The following TUBGCP3 variants were observed in gnomAD, a reference collection of about 807,000 sequenced individuals.
The protein encoded by TUBGCP3 is gamma-tubulin complex component 3.
In TUBGCP3, 50 loss-of-function variants were observed where a neutral mutation model predicts 123.1. The observed-to-expected ratio is 0.41, with a 90% confidence interval of 0.32 to 0.51. The LOEUF (loss-of-function observed/expected upper bound fraction) is 0.51. Ranked by LOEUF, TUBGCP3 falls within the 20% of genes least tolerant of loss-of-function variation. The probability of loss-of-function intolerance (pLI) is 0.36; values close to 1 mark genes in which losing one functional copy is unlikely to be tolerated. For missense variants in TUBGCP3, 882 were observed against 1,127.0 expected (o/e 0.78, Z 3.11); for synonymous variants, 405 against 413.9 (o/e 0.98, Z 0.26).
chr13:112,541,931 C>T (rs1181212983), intron 11 of TUBGCP3, among the ~76,000 whole-genome samples: 4 of 152,132 alleles, frequency 2.6e-5, no homozygotes. Context: ...TAAACTTTCT[C>T]CTTTTTATAA....
At chr13:112,503,928 T>C (rs1308990493) in intron 19 of TUBGCP3, 104 bp downstream of exon 19, 1 of 1,345,734 alleles carries the variant, frequency 7.4e-7, no homozygotes, top group African/African-American at 1.5e-5. Flanking sequence ...TTATTACCAA[T>C]GTGGCTGCAT....
At chr13:112,583,033 C>G (rs1327935637) in intron 1 of TUBGCP3, among the ~76,000 whole-genome samples, 1 of 152,178 alleles carries the variant, frequency 6.6e-6, no homozygotes, top group African/African-American at 2.4e-5. Context: ...TTCAAAATAT[C>G]AAGCTGTAGA....
At chr13:112,588,603 G>C (rs75873854), upstream of TUBGCP3, among the ~76,000 whole-genome samples, 1,309 of 152,230 alleles carry the variant, frequency 8.6e-3, 17 homozygotes, top group African/African-American at 0.03. Context: ...CGCGCGGGCC[G>C]GTCCCCCCCG....
intron 4 of TUBGCP3, 50 bp from the exon 5 acceptor site, chr13:112,558,463 C>T: frequency 7.0e-7 from 1 of 1,429,196 alleles, no homozygotes. Context: ...ACAGAACAGT[C>T]TTCCCAAACC....
chr13:112,513,574 G>A (rs1042761336), intron 17 of TUBGCP3, among the ~76,000 whole-genome samples: 7 of 152,210 alleles, frequency 4.6e-5, no homozygotes, highest in Non-Finnish European at 1.0e-4. Flanking sequence ...ACAAGGCCCC[G>A]TGGCAGCTGT....
intron 20 of TUBGCP3, among the ~76,000 whole-genome samples, chr13:112,493,406 G>A (rs2139194476): frequency 6.8e-6 from 1 of 146,970 alleles, no homozygotes; most frequent in Admixed American, 6.8e-5. Flanking sequence ...AACGTGGCCT[G>A]GTGTCCCTGA....
At chr13:112,518,901 A>G in intron 16 of TUBGCP3, 74 bp downstream of exon 16, 11 of 1,363,326 alleles carry the variant, frequency 8.1e-6, no homozygotes, top group Non-Finnish European at 1.2e-5. Context: ...CCAGAGAAGA[A>G]AGCCAATTTC....
At chr13:112,494,199 G>A (rs1306487483) in intron 20 of TUBGCP3, among the ~76,000 whole-genome samples, 2 of 152,176 alleles carry the variant, frequency 1.3e-5, no homozygotes, top group Non-Finnish European at 2.9e-5. Flanking sequence ...ATGGGAACGA[G>A]GCCTGGTGTG....
chr13:112,490,027 C>T (rs905332014), intron 20 of TUBGCP3, among the ~76,000 whole-genome samples: 1 of 152,056 alleles, frequency 6.6e-6, no homozygotes, highest in Non-Finnish European at 1.5e-5. Context: ...GTGCTGTACA[C>T]GTTTTTATAT....
Position 112,486,119 on chromosome 13 carries a change from C to T in TUBGCP3, c.2598G>A (p.Thr866=), listed in dbSNP as rs771576460. 8.7e-6 allele frequency: 14 copies of T among 1,610,056 alleles called. No homozygotes were observed. Among genetic ancestry groups the T allele is most frequent in the South Asian group, 3.3e-5 (3 of 90,610 alleles). ...GIVQQFLVLL[T]TSSDESLRFL... ...ACCGAAGACTCTCGTCAGAGCTGGT[C>T]GTCAGTAACACCAAAAACTGCTGCA... The change falls in exon 22 of 22, where the codon ACG becomes ACA. Residue 866 remains threonine (T), a synonymous_variant. Coordinates refer to ENST00000261965, the MANE Select transcript of TUBGCP3 (RefSeq NM_006322.6).
chr13:112,580,464 C>CA (rs200190346), intron 1 of TUBGCP3, among the ~76,000 whole-genome samples: 470 of 144,758 alleles, frequency 3.2e-3, no homozygotes, highest in African/African-American at 0.011. Flanking sequence ...AGATCCTTCT[C>CA]AAAAAAAAAA....
At chr13:112,591,377 C>T (rs189673308), upstream of TUBGCP3, among the ~76,000 whole-genome samples, 27 of 152,350 alleles carry the variant, frequency 1.8e-4, no homozygotes, top group East Asian at 5.0e-3. Flanking sequence ...TGTATCTAGA[C>T]AAACCCTTAA....
intron 8 of TUBGCP3, among the ~76,000 whole-genome samples, chr13:112,548,421 T>C (rs569772209): frequency 1.3e-4 from 20 of 152,174 alleles, no homozygotes; most frequent in Non-Finnish European, 2.9e-4. Context: ...AAAAAATATA[T>C]ATGGTATAGT....
rs559589787 is a variant in TUBGCP3, at chr13:112,560,465, T to C, written c.253-1066A>G. Among the ~76,000 whole-genome samples, 228 of 151,704 alleles carry C rather than the reference T, an allele frequency of 1.5e-3. 1 individual carries two copies. The highest frequency in any genetic ancestry group is 4.8e-3 in the African/African-American group (200 of 41,392). On this transcript the variant is annotated intron_variant, in intron 3 of 21. Coordinates refer to ENST00000261965, the MANE Select transcript of TUBGCP3 (RefSeq NM_006322.6). Reference sequence around the variant, plus strand: ...AAAAAGTGGGTCTGAAGCACTTAGCTGTCAAGATAACCAACCCACAGGTTT... The same window carrying C: ...AAAAAGTGGGTCTGAAGCACTTAGCCGTCAAGATAACCAACCCACAGGTTT...
chr13:112,514,805 G>T (rs1432530621), intron 17 of TUBGCP3, among the ~76,000 whole-genome samples: 1 of 152,106 alleles, frequency 6.6e-6, no homozygotes, highest in African/African-American at 2.4e-5. Flanking sequence ...CTATTCTCAA[G>T]AAATATTCAG....
At chr13:112,498,639 C>T (rs958799458) in intron 20 of TUBGCP3, among the ~76,000 whole-genome samples, 5 of 152,182 alleles carry the variant, frequency 3.3e-5, no homozygotes, top group Non-Finnish European at 7.3e-5. Flanking sequence ...TAAGACTGCT[C>T]TAAGTTGAGG....
intron 1 of TUBGCP3, among the ~76,000 whole-genome samples, chr13:112,576,918 A>C (rs961442997): frequency 1.1e-4 from 17 of 151,864 alleles, no homozygotes; most frequent in East Asian, 7.7e-4. Context: ...AACAAAAAAA[A>C]AAAAACCCCA....
intron 17 of TUBGCP3, among the ~76,000 whole-genome samples, chr13:112,514,337 T>C (rs1029705367): frequency 6.6e-6 from 1 of 151,956 alleles, no homozygotes; most frequent in Non-Finnish European, 1.5e-5. Flanking sequence ...ATAAAGGGAA[T>C]ACTATATAAT....
At chr13:112,553,948 T>A (rs1323838607) in intron 8 of TUBGCP3, 109 bp downstream of exon 8, 4 of 1,508,396 alleles carry the variant, frequency 2.7e-6, no homozygotes, top group Admixed American at 2.2e-5. Flanking sequence ...TCAAAGCTGC[T>A]TTACTTGGAA....
Sources: allele counts gnomAD v4.1 joint callset (sites outside exome capture counted in the v4.1 genomes callset), GRCh38; gene constraint gnomAD v4.1.1; transcripts MANE v1.5; gene names NCBI Gene and HGNC (gene_info 2026-07-23, HGNC 2026-07-21).